CEP350: variants seen among roughly 807,000 people sequenced by gnomAD.
CEP350 encodes centrosomal protein 350, also known as centrosome-associated protein 350.
CEP350 carries 126 observed loss-of-function variants against 331.8 expected under a neutral mutation model. The ratio of observed to expected loss-of-function variants is 0.38; its 90% CI spans 0.33 to 0.44. The LOEUF (loss-of-function observed/expected upper bound fraction) is 0.44. CEP350 is among the 20% of genes least tolerant of loss of function. The pLI, the probability that CEP350 is intolerant of heterozygous loss-of-function variation, is 1.00. For missense variants in CEP350, 3,406 were observed against 3,634.6 expected, an observed-to-expected ratio of 0.94 and a Z score of 1.62; for synonymous variants, 1,200 against 1,259.5, an observed-to-expected ratio of 0.95 and a Z score of 1.00.
In CEP350 at chr1:180,020,502, C is replaced by A; in HGVS notation, c.2728C>A (p.Leu910Ile). The change falls in exon 12 of 38, where the codon CTT (leucine) becomes ATT (isoleucine). Residue 910 changes from leucine (L) to isoleucine (I), a missense_variant. Leu to Ile is a conservative substitution (Grantham distance 5). Around this residue, in one of 5 missense-constraint regions of CEP350, gnomAD observed 1,857 missense variants for 1,909.2 expected, o/e 0.97. Transcript: ENST00000367607. ...CVSHATFDDD[L>I]PGVGNLSEFK... ...ATCTCATGCAACTTTTGATGATGAT[C>A]TTCCTGGTGTAGGCAATCTTAGTGA... is the stretch of plus-strand genomic sequence containing the variant. 6.2e-7 allele frequency: 1 copy of A among 1,613,970 alleles called. No homozygotes were observed. The highest frequency in any genetic ancestry group is 8.5e-7 in the Non-Finnish European group (1 of 1,179,892).
chr1:180,101,992 CTTCATGACATCAGCATTCCT>C (rs1239755452), intron 37 of CEP350, among the ~76,000 whole-genome samples: 2 of 152,152 alleles, frequency 1.3e-5, no homozygotes, highest in Non-Finnish European at 2.9e-5. Flanking sequence ...TTTCTGAAAG[CTTCATGACATCAGCATTCCT>C]TCCCCCAAGG....
chr1:180,095,565 A>G lies in CEP350; in HGVS notation c.8554A>G (p.Lys2852Glu). ...FGASGQEELA[K>E]RLAELELSRE... The stretch of plus-strand genomic sequence containing the variant: ...TGCCAGTGGGCAGGAAGAACTTGCT[A>G]AGAGACTTGCTGAACTTGAACTCAG... Residue 2852 changes from lysine (K) to glutamate (E), a missense_variant, in exon 35 of 38, where the codon AAG (lysine) becomes GAG (glutamate). Lys to Glu is a moderately conservative substitution (Grantham distance 56, BLOSUM62 1). Around this residue, in one of 5 missense-constraint regions of CEP350, gnomAD observed 1,415 missense variants for 1,512.3 expected, o/e 0.94. Coordinates refer to ENST00000367607, the MANE Select transcript of CEP350 (RefSeq NM_014810.5). The G allele has an allele frequency of 1.9e-6, 3 of 1,613,956 alleles. No individual in the cohort carries two copies. The highest frequency in any genetic ancestry group is 1.3e-5 in the African/African-American group (1 of 75,042).
intron 14 of CEP350, among the ~76,000 whole-genome samples, chr1:180,028,946 G>A (rs1485258847): frequency 1.3e-5 from 2 of 152,074 alleles, no homozygotes; most frequent in Non-Finnish European, 1.5e-5. Flanking sequence ...AATCCTCACC[G>A]GCAATACCAG....
At chr1:180,026,350 G>A (rs1023069531) in intron 14 of CEP350, among the ~76,000 whole-genome samples, 1 of 151,530 alleles carries the variant, frequency 6.6e-6, no homozygotes, top group Non-Finnish European at 1.5e-5. Context: ...TCACTTTGTT[G>A]CCCAGGCTGG....
chr1:179,956,811 A>G (rs1394720918), intron 1 of CEP350, among the ~76,000 whole-genome samples: 1 of 150,596 alleles, frequency 6.6e-6, no homozygotes, highest in Non-Finnish European at 1.5e-5. Context: ...GCAGTCGTGG[A>G]AACTGACACA....
At chr1:180,023,859 A>G (rs1273492375) in intron 13 of CEP350, among the ~76,000 whole-genome samples, 1 of 152,184 alleles carries the variant, frequency 6.6e-6, no homozygotes, top group Non-Finnish European at 1.5e-5. Flanking sequence ...ATCCATGTAA[A>G]ATTATTAGGT....
chr1:180,106,762 C>T (rs1406412006), intron 37 of CEP350, among the ~76,000 whole-genome samples: 1 of 151,842 alleles, frequency 6.6e-6, no homozygotes, highest in Admixed American at 6.6e-5. Context: ...AGTCATTCAA[C>T]CTATTTTTTT....
chr1:180,019,637 A>T (rs556660845), intron 11 of CEP350, among the ~76,000 whole-genome samples: 127 of 152,272 alleles, frequency 8.3e-4, no homozygotes, highest in African/African-American at 2.9e-3. Context: ...ATAGTTTTTT[A>T]AAAATATGGC....
intron 8 of CEP350, among the ~76,000 whole-genome samples, 153 bp from the exon 9 acceptor site, chr1:180,011,776 G>A (rs1030709551): frequency 6.6e-6 from 1 of 152,156 alleles, no homozygotes; most frequent in South Asian, 2.1e-4. Flanking sequence ...TAACTGACTT[G>A]GGGAGGTTAG....
intron 30 of CEP350, among the ~76,000 whole-genome samples, chr1:180,082,022 T>G (rs988200253): frequency 5.3e-5 from 8 of 152,356 alleles, no homozygotes; most frequent in Admixed American, 5.2e-4. Context: ...AGACATAAAC[T>G]TGAATACTTG....
chr1:179,960,829 A>G (rs545027128), intron 1 of CEP350, among the ~76,000 whole-genome samples: 1 of 152,238 alleles, frequency 6.6e-6, no homozygotes, highest in South Asian at 2.1e-4. Context: ...ATCTGCTACT[A>G]AGTTGGTAGG....
chr1:180,098,173 T>TTA (rs1392078009), intron 36 of CEP350, among the ~76,000 whole-genome samples: 1 of 152,176 alleles, frequency 6.6e-6, no homozygotes, highest in African/African-American at 2.4e-5. Flanking sequence ...TTTCTCCATG[T>TTA]TGGTCAGGCT....
chr1:179,972,614 C>T (rs549895117), intron 1 of CEP350, among the ~76,000 whole-genome samples: 158 of 152,138 alleles, frequency 1.0e-3, no homozygotes, highest in Non-Finnish European at 1.4e-3. Flanking sequence ...AAGCAATTCT[C>T]CTGCCTCAGC....
chr1:180,087,843 T>C, intron 32 of CEP350, 126 bp downstream of exon 32: 1 of 1,030,382 alleles, frequency 9.7e-7, no homozygotes, highest in Non-Finnish European at 1.3e-6. Flanking sequence ...TTTCTATTTT[T>C]AGTGTCAGTA....
At chr1:180,074,532 A>G (rs1211700263) in intron 27 of CEP350, among the ~76,000 whole-genome samples, 2 of 152,202 alleles carry the variant, frequency 1.3e-5, no homozygotes, top group Non-Finnish European at 2.9e-5. Context: ...AATTTAAAAT[A>G]AAAGTAAAAA....
At position 180,007,839 on chromosome 1, in the gene CEP350, C is replaced by CGTGTGTGTGTGTGT. The variant is rs71118426; in HGVS notation, c.1246+1299_1246+1312dup. ...TAAAAAATTAATACATTTTATGTAT[C>CGTGTGTGTGTGTGT]GTGTGTGTGTGTGTGTGTGTGTGTG... On this transcript the variant is annotated intron_variant, in intron 8 of 37. Transcript: ENST00000367607. Among the ~76,000 whole-genome samples, 278 of 141,002 alleles carry CGTGTGTGTGTGTGT rather than the reference C, an allele frequency of 2.0e-3. 3 individuals are homozygous for CGTGTGTGTGTGTGT. Among genetic ancestry groups the CGTGTGTGTGTGTGT allele is most frequent in the Middle Eastern group, 0.014 (4 of 280 alleles). 92.5% of individuals were successfully genotyped at this position (141,002 alleles called of 152,430 possible).
chr1:180,053,323 C>T (rs935521961), intron 23 of CEP350, among the ~76,000 whole-genome samples, 157 bp downstream of exon 23: 2 of 152,180 alleles, frequency 1.3e-5, no homozygotes, highest in African/African-American at 4.8e-5. Context: ...TCTGGTTTCA[C>T]TTTCCTTACA....
Position 180,020,324 on chromosome 1 carries a change from C to T in CEP350, c.2550C>T (p.Ser850=), listed in dbSNP as rs776336094. 3.1e-6 allele frequency: 5 copies of T among 1,613,894 alleles called. No individual in the cohort carries two copies. Among genetic ancestry groups the T allele is most frequent in the Non-Finnish European group, 3.4e-6 (4 of 1,179,886 alleles). Residue 850 remains serine (S), a synonymous_variant, in exon 12 of 38, where the codon AGC becomes AGT. Coordinates refer to ENST00000367607, the MANE Select transcript of CEP350 (RefSeq NM_014810.5). The part of the protein sequence containing the change: ...ESEAKKLAGA[S]INYGSAWNTE... ...AAGCCAAGAAATTAGCTGGGGCCAG[C>T]ATTAACTATGGGTCAGCATGGAACA...
chr1:180,058,491 G>A (rs181868595), intron 25 of CEP350, among the ~76,000 whole-genome samples: 80 of 152,222 alleles, frequency 5.3e-4, no homozygotes, highest in Non-Finnish European at 1.0e-3. Context: ...AGTAGTATAT[G>A]TTCTGTGGAA....
Sources: allele counts gnomAD v4.1 joint callset (sites outside exome capture counted in the v4.1 genomes callset), GRCh38; gene constraint gnomAD v4.1.1; regional missense constraint gnomAD v4.1.1; transcripts MANE v1.5; gene names NCBI Gene and HGNC (gene_info 2026-07-23, HGNC 2026-07-21).